Variants in ZNF892 observed in about 807,000 individuals in gnomAD.
The protein encoded by ZNF892 is zinc finger protein 570-like.
chr2:95,217,866 G>A, the ZNF892 span, among the ~76,000 whole-genome samples: 2 of 152,148 alleles, frequency 1.3e-5, no homozygotes, highest in Non-Finnish European at 2.9e-5. Flanking sequence ...TTTCTGTTCT[G>A]TTGAGACCAG....
At chr2:95,246,404 T>C in the ZNF892 span, among the ~76,000 whole-genome samples, 1 of 152,130 alleles carries the variant, frequency 6.6e-6, no homozygotes, top group African/African-American at 2.4e-5. Context: ...CACAGCCATA[T>C]CATACTGAAT....
At chr2:95,231,940 T>C in the ZNF892 span, 3 of 152,222 alleles carry the variant, frequency 2.0e-5, no homozygotes, top group African/African-American at 7.2e-5. Flanking sequence ...TTGAGCAGAC[T>C]ATGACTCATA....
At chr2:95,218,372 T>G in the ZNF892 span, among the ~76,000 whole-genome samples, 2 of 152,226 alleles carry the variant, frequency 1.3e-5, no homozygotes, top group Non-Finnish European at 2.9e-5. Flanking sequence ...AATAAACAGT[T>G]TCATCACTCT....
chr2:95,211,929 C>G, the ZNF892 span, among the ~76,000 whole-genome samples: 2 of 152,344 alleles, frequency 1.3e-5, no homozygotes, highest in Middle Eastern at 6.8e-3. Context: ...TTGTAGCATC[C>G]TTCTTCTCAA....
At chr2:95,214,674 AT>A in the ZNF892 span, 1 of 404,568 alleles carries the variant, frequency 2.5e-6, no homozygotes, top group Non-Finnish European at 4.4e-6. Flanking sequence ...GCATGAGAGA[AT>A]TTGTGCAGGA....
At chr2:95,242,243 G>T in the ZNF892 span, among the ~76,000 whole-genome samples, 2 of 152,276 alleles carry the variant, frequency 1.3e-5, no homozygotes. Context: ...CAGCCAGAGA[G>T]AAAGGCCAGG....
the ZNF892 span, among the ~76,000 whole-genome samples, chr2:95,243,584 G>A: frequency 2.7e-5 from 4 of 150,808 alleles, no homozygotes; most frequent in Admixed American, 6.6e-5. Flanking sequence ...CAACCGCCCC[G>A]TCTGAGAAGT....
the ZNF892 span, among the ~76,000 whole-genome samples, chr2:95,247,845 T>A: frequency 1.3e-5 from 2 of 152,104 alleles, no homozygotes; most frequent in Admixed American, 6.5e-5. Context: ...AATAACATGC[T>A]GGGAAGGCTA....
chr2:95,262,033 GTT>G, the ZNF892 span, among the ~76,000 whole-genome samples: 1 of 152,184 alleles, frequency 6.6e-6, no homozygotes, highest in Non-Finnish European at 1.5e-5. Context: ...GAATTATTTC[GTT>G]TACGCTTGAC....
chr2:95,210,906 A>G, the ZNF892 span, among the ~76,000 whole-genome samples: 1 of 152,158 alleles, frequency 6.6e-6, no homozygotes, highest in Non-Finnish European at 1.5e-5. Context: ...AAGGATTCAC[A>G]TTGCTGAAAG....
chr2:95,254,542 CTT>C, the ZNF892 span, among the ~76,000 whole-genome samples: 1 of 152,188 alleles, frequency 6.6e-6, no homozygotes, highest in South Asian at 2.1e-4. Flanking sequence ...CTAAAATTCT[CTT>C]TTTTTGTTGT....
chr2:95,254,156 G>A, the ZNF892 span, among the ~76,000 whole-genome samples: 1 of 152,146 alleles, frequency 6.6e-6, no homozygotes, highest in South Asian at 2.1e-4. Context: ...TCTGTCTTGT[G>A]CCAGTTTTCA....
At chr2:95,207,860 T>C in the ZNF892 span, 1 of 398,566 alleles carries the variant, frequency 2.5e-6, no homozygotes, top group Non-Finnish European at 4.4e-6. Flanking sequence ...TGATGCGGCC[T>C]TGGTGCCCGC....
At chr2:95,249,229 ATATTTTT>A in the ZNF892 span, among the ~76,000 whole-genome samples, 32 of 70,596 alleles carry the variant, frequency 4.5e-4, no homozygotes, top group Middle Eastern at 0.014. Context: ...ATATATATAT[ATATTTTT>A]TTTTTTTTTT....
chr2:95,217,494 A>T, the ZNF892 span, among the ~76,000 whole-genome samples: 1 of 152,234 alleles, frequency 6.6e-6, no homozygotes, highest in African/African-American at 2.4e-5. Flanking sequence ...GATATGGCTA[A>T]GACTCAAGAT....
At chr2:95,243,319 G>T in the ZNF892 span, among the ~76,000 whole-genome samples, 1 of 150,280 alleles carries the variant, frequency 6.7e-6, no homozygotes, top group African/African-American at 2.5e-5. Context: ...CCATCGTCTG[G>T]GATGTGAGGA....
the ZNF892 span, among the ~76,000 whole-genome samples, chr2:95,227,974 CT>C: frequency 1.3e-5 from 2 of 152,202 alleles, no homozygotes; most frequent in East Asian, 3.8e-4. Context: ...AGATTACTGT[CT>C]AACACACAGT....
At chr2:95,218,863 G>T in the ZNF892 span, among the ~76,000 whole-genome samples, 2 of 152,078 alleles carry the variant, frequency 1.3e-5, no homozygotes, top group African/African-American at 2.4e-5. Context: ...CACCTTTAAG[G>T]TCTCTTTTAA....
chr2:95,236,851 T>G, the ZNF892 span, among the ~76,000 whole-genome samples: 1 of 152,226 alleles, frequency 6.6e-6, no homozygotes, highest in Non-Finnish European at 1.5e-5. Context: ...ATACAATACC[T>G]TAAGATACAT....
Sources: allele counts gnomAD v4.1 joint callset (sites outside exome capture counted in the v4.1 genomes callset), GRCh38; gene constraint gnomAD v4.1.1; transcripts MANE v1.5; gene names NCBI Gene and HGNC (gene_info 2026-07-23, HGNC 2026-07-21).